Variants in PWWP3B observed in about 807,000 individuals in gnomAD.
PWWP3B encodes PWWP domain-containing DNA repair factor 3B.
A neutral mutation model predicts 15.7 loss-of-function variants in PWWP3B; 5 were observed. That is an observed-to-expected ratio of 0.32 (90% CI 0.17 to 0.67). PWWP3B has a LOEUF of 0.67. Among genes scored for constraint, PWWP3B ranks in the 30% least tolerant of loss-of-function variants. PWWP3B has a pLI of 0.74. For missense variants in PWWP3B, 519 were observed against 493.1 expected (o/e 1.05, Z -0.50); for synonymous variants, 203 against 179.8 (o/e 1.13, Z -1.03).
chrX:106,192,377 G>C lies in PWWP3B; in HGVS notation c.-400-11608G>C, dbSNP rs754010912. ...ATGGTAGTTTGTATTTCTGTGGGAT[G>C]GGTGGTGATATCCCCTTTATCATTT... On this transcript the variant is annotated intron_variant, in intron 2 of 3. Coordinates refer to ENST00000357175, the MANE Select transcript of PWWP3B (RefSeq NM_001171020.2). Among the ~76,000 whole-genome samples, 502 of 110,230 alleles carry C rather than the reference G, an allele frequency of 4.6e-3. 4 individuals carry two copies. The highest frequency in any genetic ancestry group is 0.015 in the African/African-American group (463 of 30,335).
chrX:106,199,621 T>TG (rs1367767305), intron 2 of PWWP3B, among the ~76,000 whole-genome samples: 1 of 110,055 alleles, frequency 9.1e-6, no homozygotes, highest in Admixed American at 9.7e-5. Context: ...AGGGGGAAAG[T>TG]GGAAAAAAAA....
At chrX:106,182,305 A>G (rs1202085456) in intron 2 of PWWP3B, among the ~76,000 whole-genome samples, 1 of 111,468 alleles carries the variant, frequency 9.0e-6, no homozygotes, top group African/African-American at 3.3e-5. Flanking sequence ...TCCTAACCCT[A>G]TAAGTAGGGG....
chrX:106,183,111 G>A (rs1032716281), intron 2 of PWWP3B, among the ~76,000 whole-genome samples: 7 of 110,895 alleles, frequency 6.3e-5, no homozygotes, highest in African/African-American at 2.3e-4. Context: ...CTGCAGTGGG[G>A]GTAGAGAGGA....
chrX:106,191,227 G>T (rs1254570152), intron 2 of PWWP3B, among the ~76,000 whole-genome samples: 2 of 111,129 alleles, frequency 1.8e-5, no homozygotes, highest in Non-Finnish European at 3.8e-5. Flanking sequence ...TCATTGAGCA[G>T]TGGTTTGTAG....
At chrX:106,197,642 G>A (rs758977533) in intron 2 of PWWP3B, among the ~76,000 whole-genome samples, 3 of 112,262 alleles carry the variant, frequency 2.7e-5, no homozygotes, top group African/African-American at 9.7e-5. Context: ...TACGTGTTGG[G>A]GTTCCAGATA....
chrX:106,207,712 AG>A lies in PWWP3B; in HGVS notation c.*190del, dbSNP rs1384616381. 2.3e-5 allele frequency: 9 copies of A among 388,620 alleles called. No homozygotes were observed. The highest frequency in any genetic ancestry group is 3.9e-5 in the Non-Finnish European group (9 of 231,961). The allele number at this position is 388,620 out of a possible 1,213,427, so 32.0% of individuals were successfully genotyped here. A position where few individuals can be genotyped will look rare whatever the true frequency, so the allele number is the denominator to read the frequency against. The stretch of plus-strand genomic sequence containing the variant: ...ATTTCCTTTTCTTGCGCTTCTTCAA[AG>A]TTAATTTTGTCAACATATTTCAGCA... On this transcript the variant is annotated 3_prime_UTR_variant, in exon 4 of 4. Transcript: ENST00000357175.
chrX:106,180,999 C>T (rs1922163175), intron 2 of PWWP3B, among the ~76,000 whole-genome samples: 1 of 111,829 alleles, frequency 8.9e-6, no homozygotes, highest in Admixed American at 9.4e-5. Context: ...ATAATACTTG[C>T]CTGAGGAACT....
chrX:106,200,928 G>A (rs1304039386), intron 2 of PWWP3B, among the ~76,000 whole-genome samples: 1 of 109,420 alleles, frequency 9.1e-6, no homozygotes, highest in Non-Finnish European at 1.9e-5. Flanking sequence ...GGCGCCTGTA[G>A]TCCCAGCTAC....
chrX:106,199,223 T>G (rs1205285978), intron 2 of PWWP3B, among the ~76,000 whole-genome samples: 1 of 109,897 alleles, frequency 9.1e-6, no homozygotes, highest in African/African-American at 3.3e-5. Flanking sequence ...TAATTTTTTC[T>G]TTTTTTGTAT....
intron 2 of PWWP3B, among the ~76,000 whole-genome samples, chrX:106,182,922 A>T (rs1446499347): frequency 9.0e-6 from 1 of 111,351 alleles, no homozygotes; most frequent in Non-Finnish European, 1.9e-5. Context: ...GAGCCTTTTT[A>T]GTCTGGGATG....
chrX:106,205,069 C>G (rs1054386696), intron 3 of PWWP3B, 150 bp from the exon 4 acceptor site: 5 of 140,934 alleles, frequency 3.5e-5, no homozygotes, highest in East Asian at 1.8e-4. Context: ...CCCTCCCCCC[C>G]GCAATCTTAT....
At chrX:106,203,672 GCATT>G (rs1421678411) in intron 2 of PWWP3B, among the ~76,000 whole-genome samples, 1 of 112,063 alleles carries the variant, frequency 8.9e-6, no homozygotes, top group Admixed American at 9.5e-5. Context: ...ACTGATGTGA[GCATT>G]CAAACAAAAT....
rs1228733098 is a variant in PWWP3B at position 106,205,338 on chromosome X, A to G, written c.-95A>G. ...GTCATAAGACGAAAGAGGATTTGTT[A>G]AGAGTATTGTTTTGGGTAGAACTTG... On this transcript the variant is annotated 5_prime_UTR_variant, in exon 4 of 4. Transcript: ENST00000357175. 2 of 824,494 alleles carry G rather than the reference A, an allele frequency of 2.4e-6. No homozygotes were observed. The highest frequency in any genetic ancestry group is 3.3e-6 in the Non-Finnish European group (2 of 598,896). The allele number at this position is 824,494 out of a possible 1,213,427, so 67.9% of individuals were successfully genotyped here. A position where few individuals can be genotyped will look rare whatever the true frequency, so the allele number is the denominator to read the frequency against.
rs192733208 is a variant in PWWP3B, at chrX:106,183,816, G to T, written c.-401+12677G>T. 2.9e-4 allele frequency among the ~76,000 whole-genome samples: 33 copies of T among 112,269 alleles called. No individual in the cohort carries two copies. In the South Asian group the frequency reaches 3.8e-3, roughly 13 times the overall value. ...ATATCCGGGGCTCAGTGAGGGTGATGACATGAGCTGGCGCTTGTCCTGGTC... is the reference window on the plus strand; with the variant it reads ...ATATCCGGGGCTCAGTGAGGGTGATTACATGAGCTGGCGCTTGTCCTGGTC... On this transcript the variant is annotated intron_variant, in intron 2 of 3. Coordinates refer to ENST00000357175, the MANE Select transcript of PWWP3B (RefSeq NM_001171020.2).
intron 2 of PWWP3B, among the ~76,000 whole-genome samples, chrX:106,183,800 G>A (rs188144347): frequency 8.9e-6 from 1 of 112,104 alleles, no homozygotes; most frequent in African/African-American, 3.2e-5. Context: ...CATATCCGGG[G>A]CTCAGTGAGG....
chrX:106,205,938 C>T lies in PWWP3B; in HGVS notation c.506C>T (p.Ser169Leu), dbSNP rs939630426. 8.3e-7 allele frequency: 1 copy of T among 1,209,053 alleles called. No individual in the cohort carries two copies. The highest frequency in any genetic ancestry group is 1.7e-5 in the African/African-American group (1 of 57,248). The change falls in exon 4 of 4, where the codon TCA becomes TTA. Residue 169 changes from serine (S) to leucine (L), a missense_variant. By Grantham distance (145) the Ser-to-Leu change is moderately radical. Transcript: ENST00000357175. ...GATGATTCCCTGTATGATGATAAAT[C>T]ACAAGCACCCACAATGGTCGATACT... The part of the protein sequence containing the change: ...ESDDSLYDDK[S>L]QAPTMVDTIP...
intron 2 of PWWP3B, among the ~76,000 whole-genome samples, chrX:106,194,680 C>A (rs1306542169): frequency 5.4e-5 from 6 of 110,774 alleles, no homozygotes; most frequent in Non-Finnish European, 9.4e-5. Flanking sequence ...TTTTATCTAC[C>A]TTTGGTCTTT....
intron 2 of PWWP3B, among the ~76,000 whole-genome samples, chrX:106,193,239 T>A (rs1238091795): frequency 1.8e-5 from 2 of 111,590 alleles, no homozygotes; most frequent in African/African-American, 6.5e-5. Flanking sequence ...TGGGTGCATA[T>A]ATATTTAGGA....
intron 2 of PWWP3B, among the ~76,000 whole-genome samples, chrX:106,197,687 T>C (rs767167325): frequency 1.8e-5 from 2 of 112,584 alleles, no homozygotes; most frequent in Non-Finnish European, 3.7e-5. Context: ...TGCTTTACTT[T>C]TAAAAGTTCA....
Sources: allele counts gnomAD v4.1 joint callset (sites outside exome capture counted in the v4.1 genomes callset), GRCh38; gene constraint gnomAD v4.1.1; transcripts MANE v1.5; gene names NCBI Gene and HGNC (gene_info 2026-07-23, HGNC 2026-07-21).